Variants in GANC observed in about 807,000 individuals in gnomAD.
The protein encoded by GANC is neutral alpha-glucosidase C.
GANC carries 117 observed loss-of-function variants against 124.2 expected under a neutral mutation model. That is an observed-to-expected ratio of 0.94 (90% CI 0.81 to 1.10). The LOEUF (loss-of-function observed/expected upper bound fraction) is 1.10. Among genes scored for constraint, GANC ranks in the 50% least tolerant of loss-of-function variants. The pLI is 0.00. For missense variants in GANC, 1,140 were observed against 1,095.0 expected, an observed-to-expected ratio of 1.04 and a Z score of -0.58; for synonymous variants, 377 against 376.8, an observed-to-expected ratio of 1.00 and a Z score of -0.01.
chr15:42,293,404 T>G lies in GANC; in HGVS notation c.512+487T>G, dbSNP rs566273308. Among the ~76,000 whole-genome samples, 4 of 152,310 alleles carry G rather than the reference T, an allele frequency of 2.6e-5. No individual in the cohort carries two copies. The East Asian group carries it at 7.7e-4, about 29-fold the overall frequency. The stretch of plus-strand genomic sequence containing the variant: ...TATTCCATTCTTACGAACACTGTTT[T>G]TAAATCTTTTAGTCTATAGTTCTTT... On this transcript the variant is annotated intron_variant, in intron 5 of 23. Transcript: ENST00000318010.
chr15:42,317,201 G>A (rs924466466), intron 10 of GANC, among the ~76,000 whole-genome samples: 8 of 152,172 alleles, frequency 5.3e-5, no homozygotes, highest in South Asian at 2.1e-4. Flanking sequence ...TAAACAAAAT[G>A]TGGTATATAC....
chr15:42,352,021 G>A lies in GANC; in HGVS notation c.2636-9G>A. 1.2e-6 allele frequency: 2 copies of A among 1,613,772 alleles called. No individual in the cohort carries two copies. Among genetic ancestry groups the A allele is most frequent in the South Asian group, 1.1e-5 (1 of 91,042 alleles). The stretch of plus-strand genomic sequence containing the variant: ...CAAAATTTCCCTCTTTTATTGTCTT[G>A]CTATTTAGATGGTAAAGATCAGCCT... On this transcript the variant is annotated splice_polypyrimidine_tract_variant and intron_variant, in intron 23 of 23. Coordinates refer to ENST00000318010, the MANE Select transcript of GANC (RefSeq NM_198141.3).
chr15:42,322,497 G>C (rs2052168385), intron 11 of GANC, among the ~76,000 whole-genome samples: 1 of 152,112 alleles, frequency 6.6e-6, no homozygotes, highest in Non-Finnish European at 1.5e-5. Flanking sequence ...GTGGGGACAG[G>C]GCAAGGGCTC....
At position 42,307,433 on chromosome 15, in the gene GANC, G is replaced by C. The variant is rs149257381; in HGVS notation, c.626-789G>C. On this transcript the variant is annotated intron_variant, in intron 7 of 23. Transcript: ENST00000318010. The stretch of plus-strand genomic sequence containing the variant: ...ACTGCACCCTTGAACTCCTGGCCTT[G>C]AGTGATGCACCTGCCTCGGCCTCCC... Among the ~76,000 whole-genome samples, 872 of 149,666 alleles carry C rather than the reference G, an allele frequency of 5.8e-3. 8 individuals carry two copies. The highest frequency in any genetic ancestry group is 0.02 in the African/African-American group (832 of 40,644).
chr15:42,322,014 G>A lies in GANC; in HGVS notation c.1287G>A (p.Lys429=). The A allele has an allele frequency of 1.2e-6, 2 of 1,609,342 alleles. No homozygotes were observed. The highest frequency in any genetic ancestry group is 8.5e-7 in the Non-Finnish European group (1 of 1,177,592). The change falls in exon 11 of 24, where the codon AAG becomes AAA. Residue 429 remains lysine, a synonymous_variant. Transcript: ENST00000318010. ...TGCAAGAGCTGCTCAGGAGCAAAAA[G>A]CGTAAGGTAAAATAAGCCAACATTT... The part of the protein sequence containing the change: ...KRMQELLRSK[K]RKLVVISDPH...
At chr15:42,339,960 A>G (rs2052317221) in intron 17 of GANC, 48 bp downstream of exon 17, 4 of 1,565,780 alleles carry the variant, frequency 2.6e-6, no homozygotes, top group Non-Finnish European at 3.5e-6. Flanking sequence ...AATCTGTAAT[A>G]GAAGATCTCA....
At chr15:42,310,998 T>G in intron 10 of GANC, 152 bp downstream of exon 10, 1 of 815,844 alleles carries the variant, frequency 1.2e-6, no homozygotes, top group Non-Finnish European at 1.9e-6. Context: ...CCCATCCTCA[T>G]CCCATTCAGT....
At chr15:42,350,326 A>AGCGAGTCGTCTTTTAT (rs1566963145) in intron 22 of GANC, among the ~76,000 whole-genome samples, 7 of 151,890 alleles carry the variant, frequency 4.6e-5, no homozygotes, top group African/African-American at 1.7e-4. Flanking sequence ...CACTCCGCCC[A>AGCGAGTCGTCTTTTAT]TCTCCCCGAC....
intron 19 of GANC, chr15:42,343,411 A>G: frequency 2.3e-6 from 1 of 443,814 alleles, no homozygotes. Flanking sequence ...GACTAGTAAA[A>G]GTGAGTCCTG....
chr15:42,308,354 G>T, intron 8 of GANC, 36 bp downstream of exon 8: 3 of 1,373,270 alleles, frequency 2.2e-6, no homozygotes, highest in East Asian at 2.3e-5. Context: ...GGAGTCTCTG[G>T]TTTTTGTATT....
intron 6 of GANC, among the ~76,000 whole-genome samples, chr15:42,305,426 G>A (rs76475587): frequency 0.91 from 138,477 of 152,220 alleles, 64,347 homozygotes; most frequent in Non-Finnish European, 1. Context: ...TAGAATGGCA[G>A]TGATTAAAAA....
In GANC at chr15:42,298,236, A is replaced by G. The variant is rs1348081414; in HGVS notation, c.558+580A>G. 2.0e-5 allele frequency among the ~76,000 whole-genome samples: 3 copies of G among 152,236 alleles called. No homozygotes were observed. The East Asian group carries it at 5.8e-4, about 29-fold the overall frequency. On this transcript the variant is annotated intron_variant, in intron 6 of 23. Coordinates refer to ENST00000318010, the MANE Select transcript of GANC (RefSeq NM_198141.3). ...GGTAGGATGGAGCATATTCCATTTG[A>G]AGAAATGGAATATGTATGCAATATA...
At chr15:42,286,653 A>T (rs1203718489) in intron 3 of GANC, among the ~76,000 whole-genome samples, 2 of 152,194 alleles carry the variant, frequency 1.3e-5, no homozygotes, top group Non-Finnish European at 2.9e-5. Context: ...GTTCATTATC[A>T]TGTTACAGTT....
At chr15:42,347,716 TC>T (rs2052378180) in intron 20 of GANC, among the ~76,000 whole-genome samples, 1 of 152,100 alleles carries the variant, frequency 6.6e-6, no homozygotes, top group Non-Finnish European at 1.5e-5. Context: ...AAAACTTCAC[TC>T]TTCAGCAGGG....
chr15:42,298,961 G>A (rs1238131929), intron 6 of GANC, among the ~76,000 whole-genome samples: 1 of 152,038 alleles, frequency 6.6e-6, no homozygotes, highest in East Asian at 1.9e-4. Flanking sequence ...ATTTTTTTGG[G>A]GCTGAGATGA....
rs746390371 is a variant in GANC, at chr15:42,310,780, AT to A, written c.993del (p.Ile331MetfsTer6). 1 of 1,613,842 alleles carries A rather than the reference AT, an allele frequency of 6.2e-7. No homozygotes were observed. The highest frequency in any genetic ancestry group is 1.7e-5 in the Admixed American group (1 of 60,002). On this transcript the variant is annotated frameshift_variant, in exon 10 of 24. Transcript: ENST00000318010. LOFTEE classifies it high-confidence loss of function. Reference sequence around the variant, plus strand: ...GCACTGGATGTCAGAGAGTGGCATCATTGATGTTTTTCTGCTGACAGGACCT... The same window carrying A: ...GCACTGGATGTCAGAGAGTGGCATCATGATGTTTTTCTGCTGACAGGACCT... The part of the protein sequence containing the change: ...HVHWMSESGI[I>X]DVFLLTGPTP...
Position 42,273,632 on chromosome 15 carries a change from C to G in GANC, c.-850C>G. ...ACCTGGTCAGCTGGGTTAGAGAGAT[C>G]GCTACATGCCAGCCTGGCCTGAGTC... On this transcript the variant is annotated 5_prime_UTR_variant, in exon 1 of 24. In the 5' UTR this introduces an upstream ATG that the reference lacks. Transcript: ENST00000318010. The G allele has an allele frequency of 3.2e-6, 2 of 615,628 alleles. No individual in the cohort carries two copies. The highest frequency in any genetic ancestry group is 5.5e-6 in the Non-Finnish European group (2 of 364,074). The allele number at this position is 615,628 out of a possible 1,614,324, so 38.1% of individuals were successfully genotyped here.
intron 15 of GANC, among the ~76,000 whole-genome samples, chr15:42,336,131 T>G (rs904986300): frequency 1.5e-5 from 2 of 137,620 alleles, no homozygotes; most frequent in Non-Finnish European, 3.0e-5. Flanking sequence ...AAAATTCATA[T>G]TGAACCAAAA....
intron 16 of GANC, among the ~76,000 whole-genome samples, chr15:42,338,825 A>G (rs1426419090): frequency 2.0e-5 from 3 of 152,238 alleles, no homozygotes; most frequent in Non-Finnish European, 4.4e-5. Context: ...GAAAAATAGA[A>G]CTACAAGGAA....
Sources: gnomAD v4.1 joint callset for allele counts (sites outside exome capture counted in the v4.1 genomes callset) on GRCh38, gnomAD v4.1.1 for gene constraint, MANE v1.5 for transcripts, NCBI Gene and HGNC (gene_info 2026-07-23, HGNC 2026-07-21) for gene names.